The following FBXO11 variants were observed in gnomAD, a reference collection of about 807,000 sequenced individuals.
FBXO11 encodes F-box only protein 11.
A neutral mutation model predicts 117.0 loss-of-function variants in FBXO11; 13 were observed. The observed-to-expected ratio is 0.11, with a 90% CI of 0.07 to 0.18. The LOEUF (loss-of-function observed/expected upper bound fraction) is 0.18, where lower values mean the gene tolerates loss of function less well. Ranked by LOEUF, FBXO11 falls within the 10% of genes least tolerant of loss-of-function variation. The probability of loss-of-function intolerance (pLI) is 1.00; values close to 1 mark genes in which losing one functional copy is unlikely to be tolerated. For missense variants in FBXO11, 767 were observed against 1,164.4 expected (o/e 0.66, Z 4.97); for synonymous variants, 490 against 380.5 (o/e 1.29, Z -3.35).
chr2:47,877,507 A>C (rs1676094979), intron 1 of FBXO11, among the ~76,000 whole-genome samples: 1 of 152,002 alleles, frequency 6.6e-6, no homozygotes, highest in East Asian at 1.9e-4. Flanking sequence ...GAAGGTGTTG[A>C]CTTGGTTATT....
intron 1 of FBXO11, among the ~76,000 whole-genome samples, chr2:47,847,083 AAAAT>A (rs1673477226): frequency 6.6e-6 from 1 of 151,332 alleles, no homozygotes; most frequent in Non-Finnish European, 1.5e-5. Flanking sequence ...ATCTCTACTA[AAAAT>A]AAAAGAAATC....
intron 13 of FBXO11, 149 bp downstream of exon 13, chr2:47,822,069 G>A (rs1218490592): frequency 3.2e-6 from 2 of 621,228 alleles, no homozygotes; most frequent in Non-Finnish European, 2.8e-6. Context: ...CTGCACAAGA[G>A]AGTAAGACCT....
chr2:47,829,263 C>CA (rs1672004501), intron 11 of FBXO11, among the ~76,000 whole-genome samples: 1 of 147,516 alleles, frequency 6.8e-6, no homozygotes, highest in Non-Finnish European at 1.5e-5. Context: ...TTTTTTGAGA[C>CA]AGAGTCTTGC....
At chr2:47,846,749 A>T (rs964503772) in intron 1 of FBXO11, among the ~76,000 whole-genome samples, 4 of 152,176 alleles carry the variant, frequency 2.6e-5, no homozygotes, top group Non-Finnish European at 5.9e-5. Context: ...ATATCATTTC[A>T]ATATGTAAAT....
intron 1 of FBXO11, among the ~76,000 whole-genome samples, chr2:47,848,640 G>A (rs551809940): frequency 6.6e-5 from 10 of 152,144 alleles, no homozygotes; most frequent in Non-Finnish European, 1.5e-4. Context: ...CAAATCCTAT[G>A]CTATAAATAC....
chr2:47,900,278 C>T (rs560744285), intron 1 of FBXO11, among the ~76,000 whole-genome samples: 3 of 152,082 alleles, frequency 2.0e-5, no homozygotes, highest in African/African-American at 7.2e-5. Context: ...ACTGTCTCCT[C>T]TCATGGGATA....
At chr2:47,899,651 T>C (rs938564585) in intron 1 of FBXO11, among the ~76,000 whole-genome samples, 6 of 152,216 alleles carry the variant, frequency 3.9e-5, no homozygotes, top group African/African-American at 1.2e-4. Context: ...TCTCATTCCT[T>C]ATAGTGTATC....
intron 1 of FBXO11, among the ~76,000 whole-genome samples, chr2:47,845,853 C>G (rs1293493090): frequency 1.3e-5 from 2 of 151,578 alleles, no homozygotes; most frequent in Non-Finnish European, 2.9e-5. Flanking sequence ...TTCGTAGAAG[C>G]CATCACTAGT....
At chr2:47,897,729 A>G (rs908840698) in intron 1 of FBXO11, among the ~76,000 whole-genome samples, 1 of 151,524 alleles carries the variant, frequency 6.6e-6, no homozygotes, top group African/African-American at 2.4e-5. Flanking sequence ...AAAGGAAAAG[A>G]AAAAAGAAAA....
At chr2:47,861,534 C>G (rs1056703177) in intron 1 of FBXO11, among the ~76,000 whole-genome samples, 1 of 152,006 alleles carries the variant, frequency 6.6e-6, no homozygotes, top group African/African-American at 2.4e-5. Flanking sequence ...ATTGCCCTGA[C>G]TGGTCTTGAA....
chr2:47,847,474 CA>C (rs1363444637), intron 1 of FBXO11, among the ~76,000 whole-genome samples: 1 of 150,398 alleles, frequency 6.6e-6, no homozygotes, highest in Non-Finnish European at 1.5e-5. Context: ...TTTGGGAGGC[CA>C]AGACGGGAGG....
intron 1 of FBXO11, among the ~76,000 whole-genome samples, chr2:47,843,354 T>G (rs1022241016): frequency 3.9e-5 from 6 of 152,200 alleles, no homozygotes; most frequent in African/African-American, 9.7e-5. Context: ...TTTTCACTTT[T>G]GTTGAGGGTG....
chr2:47,813,216 C>T lies in FBXO11; in HGVS notation c.2227+18G>A. ...TGGAAAACTGGATTTTTCACTAATG[C>T]AAAATTAACAACAATACCTCGACCC... On this transcript the variant is annotated intron_variant, in intron 18 of 22. Transcript: ENST00000403359. 13 of 1,611,338 alleles carry T rather than the reference C, an allele frequency of 8.1e-6. No homozygotes were observed. The highest frequency in any genetic ancestry group is 1.1e-5 in the Non-Finnish European group (13 of 1,177,824).
intron 1 of FBXO11, chr2:47,865,689 A>C (rs1675142723): frequency 6.6e-6 from 1 of 152,204 alleles, no homozygotes; most frequent in Non-Finnish European, 1.5e-5. Flanking sequence ...AACACTCTAC[A>C]TTTGTGTAAA....
At chr2:47,878,964 T>TCAAAACAAAACAAAACAAAA (rs145348225) in intron 1 of FBXO11, among the ~76,000 whole-genome samples, 15 of 151,814 alleles carry the variant, frequency 9.9e-5, no homozygotes, top group African/African-American at 3.4e-4. Flanking sequence ...AAACTCTGTC[T>TCAAAACAAAACAAAACAAAA]CAAAACAAAA....
intron 1 of FBXO11, among the ~76,000 whole-genome samples, chr2:47,873,181 G>A (rs951593705): frequency 1.3e-5 from 2 of 152,182 alleles, no homozygotes; most frequent in Non-Finnish European, 2.9e-5. Context: ...AGCACTCAAG[G>A]AGGCAGAGGT....
intron 12 of FBXO11, 29 bp from the exon 13 acceptor site, chr2:47,822,332 A>C (rs753853626): frequency 4.2e-6 from 6 of 1,433,422 alleles, no homozygotes; most frequent in Admixed American, 2.0e-5. Context: ...AAAAAAAAGA[A>C]GACATCTATT....
intron 19 of FBXO11, 40 bp downstream of exon 19, chr2:47,810,276 A>C (rs1276619628): frequency 3.8e-6 from 5 of 1,329,090 alleles, no homozygotes; most frequent in Middle Eastern, 2.1e-4. Flanking sequence ...CACTTTGCAG[A>C]ACTATATATA....
At chr2:47,850,791 C>T (rs1031548550) in intron 1 of FBXO11, among the ~76,000 whole-genome samples, 2 of 152,110 alleles carry the variant, frequency 1.3e-5, no homozygotes, top group Non-Finnish European at 2.9e-5. Context: ...TTATGTATCA[C>T]GTTCTGTTCT....
Sources: gnomAD v4.1 joint callset for allele counts (sites outside exome capture counted in the v4.1 genomes callset) on GRCh38, gnomAD v4.1.1 for gene constraint, MANE v1.5 for transcripts, NCBI Gene and HGNC (gene_info 2026-07-23, HGNC 2026-07-21) for gene names.